The following KLHDC10 variants were observed in gnomAD, a reference collection of about 807,000 sequenced individuals.
KLHDC10 encodes the protein kelch domain-containing protein 10.
Under a neutral mutation model 56.1 loss-of-function variants are expected in KLHDC10, and 24 were observed. The observed-to-expected ratio is 0.43, with a 90% CI of 0.31 to 0.60. The LOEUF is 0.60. Among genes scored for constraint, KLHDC10 ranks in the 20% least tolerant of loss-of-function variants. The pLI, the probability that KLHDC10 is intolerant of heterozygous loss-of-function variation, is 0.11. For synonymous variants in KLHDC10, 188 were observed against 207.1 expected, an observed-to-expected ratio of 0.91 and a Z score of 0.79; for missense variants, 349 against 567.0, an observed-to-expected ratio of 0.62 and a Z score of 3.91.
Position 130,134,888 on chromosome 7 carries a change from G to A in KLHDC10, c.*4142G>A, listed in dbSNP as rs1796447701. On this transcript the variant is annotated 3_prime_UTR_variant, in exon 10 of 10. Transcript: ENST00000335420. ...CCTTGGAACTCCAGACGCACCCGCAGGGCCTGAGGTAGGCTTCATAGAGTT... is the reference window on the plus strand; with the variant it reads ...CCTTGGAACTCCAGACGCACCCGCAAGGCCTGAGGTAGGCTTCATAGAGTT... The A allele has an allele frequency of 6.6e-6, 1 of 152,066 alleles. No individual in the cohort carries two copies. The highest frequency in any genetic ancestry group is 2.4e-5 in the African/African-American group (1 of 41,390). 9.4% of individuals were successfully genotyped at this position (152,066 alleles called of 1,614,324 possible).
At chr7:130,088,685 C>G (rs183710635) in intron 1 of KLHDC10, among the ~76,000 whole-genome samples, 214 of 150,598 alleles carry the variant, frequency 1.4e-3, no homozygotes, top group African/African-American at 5.1e-3. Flanking sequence ...CTCTGTGACC[C>G]AAACTGGACT....
intron 8 of KLHDC10, 82 bp from the exon 9 acceptor site, chr7:130,129,355 T>TG: frequency 6.6e-7 from 1 of 1,507,602 alleles, no homozygotes; most frequent in Non-Finnish European, 9.0e-7. Flanking sequence ...GCATGTCAGC[T>TG]GGCTGTGTGA....
In KLHDC10 at chr7:130,101,441, A is replaced by G. The variant is rs144661920; in HGVS notation, c.253+4434A>G. 7.0e-3 allele frequency among the ~76,000 whole-genome samples: 1,065 copies of G among 152,282 alleles called. 13 individuals are homozygous for G. The highest frequency in any genetic ancestry group is 0.024 in the Middle Eastern group (7 of 294). On this transcript the variant is annotated intron_variant, in intron 2 of 9. Transcript: ENST00000335420. The stretch of plus-strand genomic sequence containing the variant: ...AGTAGGGCTCTTTTCTTAAACTCTA[A>G]GCATAGAGGTGGCAAGTATAGGAAG...
intron 1 of KLHDC10, among the ~76,000 whole-genome samples, chr7:130,074,142 C>G (rs1216437664): frequency 6.6e-6 from 1 of 152,182 alleles, no homozygotes; most frequent in African/African-American, 2.4e-5. Context: ...GGTCATTGAT[C>G]TTTTTCTGCC....
intron 5 of KLHDC10, 115 bp downstream of exon 5, chr7:130,122,317 G>A: frequency 1.1e-6 from 1 of 946,942 alleles, no homozygotes; most frequent in Non-Finnish European, 1.5e-6. Flanking sequence ...CTAACTGGCT[G>A]TTGGATGTTA....
chr7:130,107,300 G>T (rs1796021563), intron 2 of KLHDC10, among the ~76,000 whole-genome samples: 1 of 152,104 alleles, frequency 6.6e-6, no homozygotes, highest in African/African-American at 2.4e-5. Flanking sequence ...TGGAAAAGAA[G>T]AGTTAAAGTT....
chr7:130,074,568 T>C (rs1795470741), intron 1 of KLHDC10, among the ~76,000 whole-genome samples: 1 of 152,064 alleles, frequency 6.6e-6, no homozygotes, highest in African/African-American at 2.4e-5. Flanking sequence ...TGTGGTTCAA[T>C]CCTCTAGCCA....
At chr7:130,107,923 G>C (rs1488879720) in intron 2 of KLHDC10, among the ~76,000 whole-genome samples, 1 of 151,470 alleles carries the variant, frequency 6.6e-6, no homozygotes, top group Non-Finnish European at 1.5e-5. Context: ...GCTGAGGGTG[G>C]AGAATGGCTG....
chr7:130,111,555 A>G (rs969726065), intron 2 of KLHDC10, among the ~76,000 whole-genome samples: 2 of 152,138 alleles, frequency 1.3e-5, no homozygotes, highest in African/African-American at 2.4e-5. Context: ...CAAAAAAAAT[A>G]AAAGAAGTAG....
chr7:130,128,919 T>TACACAC (rs1554468240), intron 8 of KLHDC10, among the ~76,000 whole-genome samples: 1 of 115,716 alleles, frequency 8.6e-6, no homozygotes, highest in Non-Finnish European at 1.8e-5. Flanking sequence ...TATATATATA[T>TACACAC]ACATACTAGC....
At chr7:130,076,910 A>G (rs1358666277) in intron 1 of KLHDC10, among the ~76,000 whole-genome samples, 1 of 151,988 alleles carries the variant, frequency 6.6e-6, no homozygotes, top group Non-Finnish European at 1.5e-5. Context: ...TTATTTTTCT[A>G]TATGGCTTAG....
chr7:130,118,261 T>C (rs917569273), intron 3 of KLHDC10, among the ~76,000 whole-genome samples: 2 of 152,258 alleles, frequency 1.3e-5, no homozygotes, highest in Non-Finnish European at 2.9e-5. Context: ...CTGTAGCTTC[T>C]GCATCAGCAC....
chr7:130,087,726 A>G (rs1374151836), intron 1 of KLHDC10, among the ~76,000 whole-genome samples: 2 of 152,074 alleles, frequency 1.3e-5, no homozygotes, highest in African/African-American at 2.4e-5. Flanking sequence ...TAAAACACAC[A>G]CATACACACA....
chr7:130,108,468 C>G (rs13247747), intron 2 of KLHDC10, among the ~76,000 whole-genome samples: 1 of 150,676 alleles, frequency 6.6e-6, no homozygotes, highest in East Asian at 2.0e-4. Flanking sequence ...TGTGGGAGGC[C>G]GAGGCAGGTG....
intron 2 of KLHDC10, among the ~76,000 whole-genome samples, chr7:130,110,903 C>G (rs1796091640): frequency 6.6e-6 from 1 of 152,022 alleles, no homozygotes; most frequent in Non-Finnish European, 1.5e-5. Context: ...TATTTACAAG[C>G]TTTTGTATTT....
Position 130,070,640 on chromosome 7 carries a change from G to C in KLHDC10, c.-4G>C. ...GACCGGGCTGCGGCAATCGTTAGCG[G>C]GTCATGTCGGCCGCCCAGGGCTGGG... On this transcript the variant is annotated 5_prime_UTR_variant, in exon 1 of 10. Transcript: ENST00000335420. The C allele has an allele frequency of 7.6e-7, 1 of 1,318,078 alleles. No homozygotes were observed. Among genetic ancestry groups the C allele is most frequent in the Middle Eastern group, 3.0e-4 (1 of 3,344 alleles). The allele number at this position is 1,318,078 out of a possible 1,614,324, so 81.6% of individuals were successfully genotyped here. A position where few individuals can be genotyped will look rare whatever the true frequency, so the allele number is the denominator to read the frequency against.
At chr7:130,118,772 A>T (rs139440840) in intron 3 of KLHDC10, among the ~76,000 whole-genome samples, 6 of 152,310 alleles carry the variant, frequency 3.9e-5, no homozygotes, top group African/African-American at 1.2e-4. Context: ...GTTGTGTCTC[A>T]GGGAATAGGG....
chr7:130,125,863 A>C lies in KLHDC10; in HGVS notation c.865-2A>C. ...GTGTATATGTTCTTTTTTTTCTCCA[A>C]GATCCATGCATACAACCTTGAAACG... On this transcript the variant is annotated splice_acceptor_variant, in intron 6 of 9. Transcript: ENST00000335420. LOFTEE classifies it high-confidence loss of function. 6.3e-7 allele frequency: 1 copy of C among 1,590,274 alleles called. No individual in the cohort carries two copies. Among genetic ancestry groups the C allele is most frequent in the Non-Finnish European group, 8.5e-7 (1 of 1,172,926 alleles).
At chr7:130,117,046 A>C (rs1796177793) in intron 3 of KLHDC10, among the ~76,000 whole-genome samples, 1 of 152,250 alleles carries the variant, frequency 6.6e-6, no homozygotes, top group Non-Finnish European at 1.5e-5. Context: ...AAACCACCAA[A>C]ATAAAGCAAG....
Sources: gnomAD v4.1 joint callset for allele counts (sites outside exome capture counted in the v4.1 genomes callset) on GRCh38, gnomAD v4.1.1 for gene constraint, MANE v1.5 for transcripts, NCBI Gene and HGNC (gene_info 2026-07-23, HGNC 2026-07-21) for gene names.